The following ZBTB32 variants were observed in gnomAD, a reference collection of about 807,000 sequenced individuals.
ZBTB32 encodes zinc finger and BTB domain containing 32.
A neutral mutation model predicts 45.3 loss-of-function variants in ZBTB32; 28 were observed. The observed-to-expected ratio is 0.62, with a 90% CI of 0.46 to 0.85. The LOEUF (loss-of-function observed/expected upper bound fraction) is 0.85, where lower values mean the gene tolerates loss of function less well. ZBTB32 is among the 40% of genes least tolerant of loss of function. ZBTB32 has a pLI of 0.00. For missense variants in ZBTB32, 587 were observed against 624.4 expected, an observed-to-expected ratio of 0.94 and a Z score of 0.64; for synonymous variants, 283 against 255.7, an observed-to-expected ratio of 1.11 and a Z score of -1.02.
At chr19:35,707,533 C>G (rs1467738236) in intron 1 of ZBTB32, among the ~76,000 whole-genome samples, 1 of 151,912 alleles carries the variant, frequency 6.6e-6, no homozygotes, top group Admixed American at 6.6e-5. Flanking sequence ...CCACGCCCAG[C>G]TAATTTTTGT....
chr19:35,705,638 C>T (rs993372234), intron 1 of ZBTB32, among the ~76,000 whole-genome samples: 3 of 152,048 alleles, frequency 2.0e-5, no homozygotes, highest in African/African-American at 4.8e-5. Context: ...GGTGGCCAGG[C>T]GTGGTGGCTC....
In ZBTB32 at chr19:35,715,264, C is replaced by T. The variant is rs747345289; in HGVS notation, c.638C>T (p.Thr213Met). ...RGADGKHGVL[T>M]WLRENPGGSE... is the part of the protein sequence containing the mutation. ...GCAGATGGGAAGCATGGAGTGCTCA[C>T]GTGGTTGAGGGAAAATCCAGGGGGC... Residue 213 changes from threonine (T) to methionine (M), a missense_variant, in exon 3 of 7, where the codon ACG (threonine) becomes ATG (methionine). Physicochemically the swap from Thr to Met is moderately conservative, Grantham distance 81 (BLOSUM62 -1). Transcript: ENST00000392197. The T allele has an allele frequency of 5.7e-6, 9 of 1,588,012 alleles. No individual in the cohort carries two copies. The highest frequency in any genetic ancestry group is 1.1e-5 in the South Asian group (1 of 89,112).
At chr19:35,709,508 A>C (rs1968630638) in intron 1 of ZBTB32, among the ~76,000 whole-genome samples, 1 of 152,196 alleles carries the variant, frequency 6.6e-6, no homozygotes, top group Non-Finnish European at 1.5e-5. Context: ...TTGACTTTGC[A>C]GCCAGGGTGT....
rs1302514324 is a variant in ZBTB32, at chr19:35,716,797, A to C, written c.*45A>C. On this transcript the variant is annotated 3_prime_UTR_variant, in exon 7 of 7. Transcript: ENST00000392197. ...TAGCCAAGAGTCCAATTAAAGAACG[A>C]AAAGCGGGCCGGCTCGGCTTCTGAC... is the stretch of plus-strand genomic sequence containing the variant. 5 of 1,565,814 alleles carry C rather than the reference A, an allele frequency of 3.2e-6. No individual in the cohort carries two copies. The highest frequency in any genetic ancestry group is 4.3e-6 in the Non-Finnish European group (5 of 1,150,436).
chr19:35,716,684 C>G lies in ZBTB32; in HGVS notation c.1396C>G (p.Leu466Val), dbSNP rs748633399. Reference protein sequence around the residue: ...PPGWTIRSTFLYSSSRPSRPS... With the variant: ...PPGWTIRSTFVYSSSRPSRPS... ...CGGATGGACCATCCGCTCCACCTTC[C>G]TCTACTCCTCCTCGAGGCCGTCTCG... Residue 466 changes from leucine to valine, a missense_variant, in exon 7 of 7, where the codon CTC becomes GTC. By Grantham distance (32) the Leu-to-Val change is conservative. Transcript: ENST00000392197. 33 of 1,614,110 alleles carry G rather than the reference C, an allele frequency of 2.0e-5. No homozygotes were observed. The highest frequency in any genetic ancestry group is 2.8e-5 in the Non-Finnish European group (33 of 1,179,998).
At chr19:35,706,998 C>T (rs1483309293) in intron 1 of ZBTB32, among the ~76,000 whole-genome samples, 2 of 152,048 alleles carry the variant, frequency 1.3e-5, no homozygotes, top group East Asian at 2.0e-4. Context: ...GGTGGGGGCC[C>T]GGGGTGCTGG....
chr19:35,715,628 C>T, intron 3 of ZBTB32, 121 bp downstream of exon 3: 2 of 1,475,458 alleles, frequency 1.4e-6, no homozygotes, highest in Non-Finnish European at 1.8e-6. Flanking sequence ...GGGGAAGAGA[C>T]AAGAAGCTGC....
chr19:35,712,312 A>T (rs1445204872), intron 1 of ZBTB32, among the ~76,000 whole-genome samples: 1 of 152,100 alleles, frequency 6.6e-6, no homozygotes, highest in African/African-American at 2.4e-5. Flanking sequence ...AAAATTCAAA[A>T]TTAGCTAGGC....
chr19:35,716,406 T>C, intron 6 of ZBTB32, 72 bp from the exon 7 acceptor site: 1 of 1,586,174 alleles, frequency 6.3e-7, no homozygotes, highest in Admixed American at 1.7e-5. Flanking sequence ...CGTGGCCCGA[T>C]CCACCCCTAA....
In ZBTB32 at chr19:35,714,786, C is replaced by A; in HGVS notation, c.160C>A (p.Leu54Met). 2 of 1,614,196 alleles carry A rather than the reference C, an allele frequency of 1.2e-6. No individual in the cohort carries two copies. Among genetic ancestry groups the A allele is most frequent in the Non-Finnish European group, 8.5e-7 (1 of 1,180,020 alleles). The change falls in exon 3 of 7, where the codon CTG (leucine) becomes ATG (methionine). Residue 54 changes from leucine to methionine, a missense_variant. By Grantham distance (15) the Leu-to-Met change is conservative. Coordinates refer to ENST00000392197, the MANE Select transcript of ZBTB32 (RefSeq NM_014383.3). ...GGTGCTAGCAGGTGTCAGCCAGCAG[C>A]TGGGCCGCAGGGGCCAGTGGGCTCT... ...SLVLAGVSQQ[L>M]GRRGQWALGE...
chr19:35,708,456 G>A lies in ZBTB32; in HGVS notation c.-222+3833G>A, dbSNP rs905102971. On this transcript the variant is annotated intron_variant, in intron 1 of 6. Coordinates refer to ENST00000392197, the MANE Select transcript of ZBTB32 (RefSeq NM_014383.3). ...AGGTCCAAATGGGACCCTTTGCCCA[G>A]GTTTAAGTCAACACTAGTATTCTGT... Among the ~76,000 whole-genome samples, 110 of 152,178 alleles carry A rather than the reference G, an allele frequency of 7.2e-4. 1 individual carries two copies. The highest frequency in any genetic ancestry group is 2.5e-3 in the African/African-American group (103 of 41,426).
At chr19:35,709,340 C>T (rs1371185360) in intron 1 of ZBTB32, among the ~76,000 whole-genome samples, 2 of 152,136 alleles carry the variant, frequency 1.3e-5, no homozygotes, top group Admixed American at 1.3e-4. Flanking sequence ...AACTTTTTCA[C>T]AAAACAAATG....
intron 1 of ZBTB32, among the ~76,000 whole-genome samples, chr19:35,708,791 C>T (rs1055790085): frequency 4.6e-5 from 7 of 151,790 alleles, no homozygotes; most frequent in East Asian, 1.9e-4. Flanking sequence ...ACCAGAAAGA[C>T]GGAACATCTT....
chr19:35,705,543 GAGA>G (rs1179661659), intron 1 of ZBTB32, among the ~76,000 whole-genome samples: 5 of 152,138 alleles, frequency 3.3e-5, no homozygotes, highest in Non-Finnish European at 7.3e-5. Flanking sequence ...AGATTCTAGG[GAGA>G]AGGATTCTGA....
rs1968842244 is a variant in ZBTB32 at position 35,715,425 on chromosome 19, C to A, written c.799C>A (p.Leu267Met). The change falls in exon 3 of 7, where the codon CTG (leucine) becomes ATG (methionine). Residue 267 changes from leucine (L) to methionine (M), a missense_variant. Leu to Met is a conservative substitution (Grantham distance 15, BLOSUM62 2). Transcript: ENST00000392197. ...GGQPALWSIL[L>M]MPPRYGIPFY... ...CCAGCCTGCCCTGTGGAGCATCCTGCTGATGCCGCCCAGATATGGCATTCC... is the reference window on the plus strand; with the variant it reads ...CCAGCCTGCCCTGTGGAGCATCCTGATGATGCCGCCCAGATATGGCATTCC... The A allele has an allele frequency of 1.2e-6, 2 of 1,600,028 alleles. No individual in the cohort carries two copies. Among genetic ancestry groups the A allele is most frequent in the African/African-American group, 1.4e-5 (1 of 73,946 alleles).
intron 6 of ZBTB32, 88 bp downstream of exon 6, chr19:35,716,385 T>A: frequency 1.3e-6 from 2 of 1,592,922 alleles, no homozygotes; most frequent in East Asian, 4.5e-5. Flanking sequence ...TCCCGCGCAA[T>A]CCCCTAGCCC....
chr19:35,714,400 T>C (rs1443386258), intron 2 of ZBTB32, 123 bp from the exon 3 acceptor site: 2 of 426,062 alleles, frequency 4.7e-6, no homozygotes, highest in Non-Finnish European at 8.1e-6. Context: ...CTCGCCACCA[T>C]GCCTACCTGC....
In ZBTB32 at chr19:35,706,569, A is replaced by G. The variant is rs567870038; in HGVS notation, c.-222+1946A>G. 2.0e-5 allele frequency among the ~76,000 whole-genome samples: 3 copies of G among 152,154 alleles called. No individual in the cohort carries two copies. In the East Asian group the frequency reaches 5.8e-4, roughly 30 times the overall value. ...AAACCCCATCTCTACTAAAAATGCA[A>G]AAAATTAGCCGGGCATGGTAGATGC... On this transcript the variant is annotated intron_variant, in intron 1 of 6. Coordinates refer to ENST00000392197, the MANE Select transcript of ZBTB32 (RefSeq NM_014383.3).
chr19:35,712,856 C>T (rs970234279), intron 1 of ZBTB32, 61 bp from the exon 2 acceptor site: 12 of 152,176 alleles, frequency 7.9e-5, no homozygotes, highest in African/African-American at 2.7e-4. Context: ...AGGAGGCCAG[C>T]TTCTGGCTCC....
Sources: allele counts gnomAD v4.1 joint callset (sites outside exome capture counted in the v4.1 genomes callset), GRCh38; gene constraint gnomAD v4.1.1; transcripts MANE v1.5; gene names NCBI Gene and HGNC (gene_info 2026-07-23, HGNC 2026-07-21).